The following SMIM23 variants were observed in gnomAD, a reference collection of about 807,000 sequenced individuals.
The protein encoded by SMIM23 is small integral membrane protein 23.
SMIM23 carries 10 observed loss-of-function variants against 12.8 expected under a neutral mutation model. The ratio of observed to expected loss-of-function variants is 0.78; its 90% CI spans 0.48 to 1.32. The LOEUF is 1.32. SMIM23 is among the 40% of genes most tolerant of loss of function. The probability of loss-of-function intolerance (pLI) is 0.00; values close to 1 mark genes in which losing one functional copy is unlikely to be tolerated. For synonymous variants in SMIM23, 78 were observed against 80.1 expected, an observed-to-expected ratio of 0.97 and a Z score of 0.14; for missense variants, 184 against 198.2, an observed-to-expected ratio of 0.93 and a Z score of 0.43.
At chr5:171,774,508 T>G in the SMIM23 span, 1 of 456,248 alleles carries the variant, frequency 2.2e-6, no homozygotes, top group Non-Finnish European at 4.4e-6. Context: ...GAGGGGATCC[T>G]GGATTTCAGC....
the SMIM23 span, among the ~76,000 whole-genome samples, chr5:171,773,312 G>A: frequency 6.6e-6 from 1 of 151,666 alleles, no homozygotes; most frequent in African/African-American, 2.4e-5. Flanking sequence ...TGCACAGCAA[G>A]GGCTGGATAA....
chr5:171,789,133 C>A (rs1467255021), intron 1 of SMIM23, among the ~76,000 whole-genome samples: 1 of 152,230 alleles, frequency 6.6e-6, no homozygotes, highest in Non-Finnish European at 1.5e-5. Flanking sequence ...CCGCGCCTGG[C>A]CTAGAAACAA....
chr5:171,775,356 C>T, the SMIM23 span, among the ~76,000 whole-genome samples: 41,579 of 151,760 alleles, frequency 0.27, 5,905 homozygotes, highest in East Asian at 0.39. Context: ...CCCCCTCCTT[C>T]GGGCCCTGCT....
At position 171,790,518 on chromosome 5, in the gene SMIM23, G is replaced by A; in HGVS notation, c.194G>A (p.Cys65Tyr). 2 of 1,536,788 alleles carry A rather than the reference G, an allele frequency of 1.3e-6. No individual in the cohort carries two copies. The highest frequency in any genetic ancestry group is 2.4e-5 in the East Asian group (1 of 40,922). ...SWEVSERIRECNYYQNLAVPQ... is the reference protein window; with the variant it reads ...SWEVSERIREYNYYQNLAVPQ... Reference sequence around the variant, plus strand: ...GAGGTGTCAGAAAGGATCAGAGAATGTAACTACTACCAGAATCTTGCAGTT... The same window carrying A: ...GAGGTGTCAGAAAGGATCAGAGAATATAACTACTACCAGAATCTTGCAGTT... The change falls in exon 3 of 4, where the codon TGT becomes TAT. Residue 65 changes from cysteine to tyrosine, a missense_variant. Cys to Tyr is a radical substitution (Grantham distance 194, BLOSUM62 -2). Transcript: ENST00000523047.
At chr5:171,783,793 A>C (rs1409342584), upstream of SMIM23, among the ~76,000 whole-genome samples, 1 of 152,250 alleles carries the variant, frequency 6.6e-6, no homozygotes, top group Non-Finnish European at 1.5e-5. Flanking sequence ...AATAATTTGC[A>C]AACCATATAT....
At chr5:171,783,200 GATAGAAGACACCAC>G (rs1266261267), upstream of SMIM23, among the ~76,000 whole-genome samples, 1 of 152,204 alleles carries the variant, frequency 6.6e-6, no homozygotes, top group Non-Finnish European at 1.5e-5. Flanking sequence ...GTGTTCCTGG[GATAGAAGACACCAC>G]ATAGTAAATA....
chr5:171,783,551 T>C (rs906570984), upstream of SMIM23, among the ~76,000 whole-genome samples: 1 of 152,182 alleles, frequency 6.6e-6, no homozygotes, highest in Admixed American at 6.5e-5. Flanking sequence ...TATACAAAAA[T>C]TGATTCCAAA....
chr5:171,775,125 T>C, the SMIM23 span, among the ~76,000 whole-genome samples: 1 of 152,220 alleles, frequency 6.6e-6, no homozygotes, highest in Non-Finnish European at 1.5e-5. Flanking sequence ...ACCACGTTCA[T>C]TTGACAAATA....
chr5:171,775,878 GT>G, the SMIM23 span, among the ~76,000 whole-genome samples: 1 of 151,992 alleles, frequency 6.6e-6, no homozygotes, highest in African/African-American at 2.4e-5. Flanking sequence ...ATTTTGTTTT[GT>G]TTTGTTTTTT....
the SMIM23 span, chr5:171,773,806 C>T: frequency 2.0e-4 from 90 of 456,212 alleles, no homozygotes; most frequent in African/African-American, 1.7e-3. Context: ...CAAGAAAAGC[C>T]GTGAAATCTA....
At chr5:171,778,447 TCACACACACACACACACA>T (rs4041455), upstream of SMIM23, among the ~76,000 whole-genome samples, 25 of 141,646 alleles carry the variant, frequency 1.8e-4, no homozygotes, top group South Asian at 7.0e-4. Flanking sequence ...TGGGAAAATT[TCACACACACACACACACA>T]CACACACACA....
At chr5:171,775,801 G>T in the SMIM23 span, among the ~76,000 whole-genome samples, 1 of 152,190 alleles carries the variant, frequency 6.6e-6, no homozygotes, top group African/African-American at 2.4e-5. Flanking sequence ...CGTTATCATC[G>T]CCATGCGTCA....
the SMIM23 span, among the ~76,000 whole-genome samples, chr5:171,776,030 C>T: frequency 6.6e-6 from 1 of 152,178 alleles, no homozygotes; most frequent in African/African-American, 2.4e-5. Context: ...AGCCACCATG[C>T]CCGGCTAATT....
the SMIM23 span, chr5:171,774,581 C>T: frequency 1.1e-5 from 5 of 456,038 alleles, no homozygotes; most frequent in Non-Finnish European, 2.2e-5. Context: ...GCCCATGGCA[C>T]ACTGTCCCTA....
chr5:171,780,216 C>A (rs1425837636), upstream of SMIM23, among the ~76,000 whole-genome samples: 1 of 152,174 alleles, frequency 6.6e-6, no homozygotes, highest in African/African-American at 2.4e-5. Context: ...CACACATTTC[C>A]ATTCATTCCC....
the SMIM23 span, chr5:171,774,788 C>T: frequency 2.8e-6 from 1 of 361,976 alleles, no homozygotes; most frequent in South Asian, 2.1e-5. Flanking sequence ...AAACTCAAAA[C>T]AGCTTAAGAC....
At position 171,791,032 on chromosome 5, in the gene SMIM23, G is replaced by A. The variant is rs777271138; in HGVS notation, c.463G>A (p.Glu155Lys). 1 of 1,532,448 alleles carries A rather than the reference G, an allele frequency of 6.5e-7. No homozygotes were observed. Among genetic ancestry groups the A allele is most frequent in the Non-Finnish European group, 8.7e-7 (1 of 1,145,400 alleles). 94.9% of individuals were successfully genotyped at this position (1,532,448 alleles called of 1,614,324 possible). ...GGAGTGGGCCTGGGCCCTGGGGAGA[G>A]AGCACAAAGGTGGGGAGGGGTTGCT... ...LWEWAWALGR[E>K]HKGGEGLLEI... The change falls in exon 4 of 4, where the codon GAG (glutamate) becomes AAG (lysine). Residue 155 changes from glutamate to lysine, a missense_variant. Glu to Lys is a moderately conservative substitution (Grantham distance 56). Coordinates refer to ENST00000523047, the MANE Select transcript of SMIM23 (RefSeq NM_001289970.2).
chr5:171,781,520 C>T (rs558515638), upstream of SMIM23, among the ~76,000 whole-genome samples: 1 of 142,632 alleles, frequency 7.0e-6, no homozygotes, highest in East Asian at 2.1e-4. Context: ...ACCGGCTGGT[C>T]TTTTCCTCTG....
At chr5:171,779,970 A>ATAT (rs1227565013), upstream of SMIM23, among the ~76,000 whole-genome samples, 8 of 152,152 alleles carry the variant, frequency 5.3e-5, no homozygotes, top group African/African-American at 1.9e-4. Flanking sequence ...CGTAAGACAC[A>ATAT]TATTATTATT....
Sources: allele counts gnomAD v4.1 joint callset (sites outside exome capture counted in the v4.1 genomes callset), GRCh38; gene constraint gnomAD v4.1.1; transcripts MANE v1.5; gene names NCBI Gene and HGNC (gene_info 2026-07-23, HGNC 2026-07-21).